FGGY: variants seen among roughly 807,000 people sequenced by gnomAD.
FGGY encodes the protein FGGY carbohydrate kinase domain-containing protein.
A neutral mutation model predicts 71.3 loss-of-function variants in FGGY; 72 were observed. The observed-to-expected ratio is 1.01, with a 90% CI of 0.84 to 1.23. The LOEUF (loss-of-function observed/expected upper bound fraction) is 1.23. Ranked by LOEUF, FGGY falls within the 50% of genes most tolerant of loss-of-function variation. The probability of loss-of-function intolerance (pLI) is 0.00; values close to 1 mark genes in which losing one functional copy is unlikely to be tolerated. For missense variants in FGGY, 668 were observed against 682.3 expected (o/e 0.98, Z 0.23); for synonymous variants, 251 against 250.3 (o/e 1.00, Z -0.02).
intron 6 of FGGY, among the ~76,000 whole-genome samples, chr1:59,475,973 G>A (rs980814065): frequency 1.4e-4 from 22 of 152,334 alleles, no homozygotes; most frequent in African/African-American, 4.8e-4. Context: ...AAAGTCTTGC[G>A]TGATCTCTGT....
intron 14 of FGGY, among the ~76,000 whole-genome samples, chr1:59,683,799 G>C (rs1022523166): frequency 6.6e-6 from 1 of 152,200 alleles, no homozygotes; most frequent in Non-Finnish European, 1.5e-5. Context: ...GGTTTAAGTA[G>C]GGCAAATTAG....
chr1:59,319,970 A>G (rs1369609035), intron 1 of FGGY, among the ~76,000 whole-genome samples: 1 of 152,212 alleles, frequency 6.6e-6, no homozygotes, highest in East Asian at 1.9e-4. Context: ...CTTGAAGAAA[A>G]GGTATCACTG....
intron 8 of FGGY, among the ~76,000 whole-genome samples, chr1:59,563,596 G>A (rs570250174): frequency 2.4e-4 from 37 of 152,114 alleles, no homozygotes; most frequent in African/African-American, 6.0e-4. Context: ...AATCAATATC[G>A]TGAAAATGGC....
intron 13 of FGGY, among the ~76,000 whole-genome samples, chr1:59,668,234 C>T (rs750743586): frequency 6.6e-6 from 1 of 152,170 alleles, no homozygotes; most frequent in Non-Finnish European, 1.5e-5. Flanking sequence ...GCCTGGACCT[C>T]TGTCTCTCTG....
At chr1:59,425,638 A>C (rs1039925900) in intron 5 of FGGY, among the ~76,000 whole-genome samples, 1 of 152,200 alleles carries the variant, frequency 6.6e-6, no homozygotes, top group African/African-American at 2.4e-5. Flanking sequence ...GCTCTCATTC[A>C]TGGTCATGAT....
intron 6 of FGGY, among the ~76,000 whole-genome samples, chr1:59,486,904 A>T (rs2093674078): frequency 1.3e-5 from 2 of 152,206 alleles, no homozygotes; most frequent in South Asian, 4.1e-4. Flanking sequence ...AGTCTAACAC[A>T]TTAATTCCGG....
chr1:59,442,831 A>C (rs1448258229), intron 5 of FGGY, among the ~76,000 whole-genome samples: 1 of 152,180 alleles, frequency 6.6e-6, no homozygotes, highest in Non-Finnish European at 1.5e-5. Context: ...AATTCGTCCA[A>C]CACTTTTGTA....
intron 8 of FGGY, among the ~76,000 whole-genome samples, chr1:59,580,131 A>G (rs1472191992): frequency 6.6e-6 from 1 of 152,142 alleles, no homozygotes; most frequent in Non-Finnish European, 1.5e-5. Flanking sequence ...TTAAAATAAC[A>G]ACACTTGCCT....
chr1:59,339,472 AT>A (rs572623968), intron 2 of FGGY, among the ~76,000 whole-genome samples: 4 of 149,926 alleles, frequency 2.7e-5, no homozygotes, highest in African/African-American at 4.9e-5. Context: ...TATTATTATT[AT>A]TTTTTTTTGA....
chr1:59,699,472 C>A, intron 14 of FGGY: 1 of 864,710 alleles, frequency 1.2e-6, no homozygotes, highest in Non-Finnish European at 1.4e-6. Context: ...GCTAAAATCT[C>A]AAAAACAACC....
At chr1:59,757,903 G>C (rs192094379) in intron 14 of FGGY, 28 bp from the exon 15 acceptor site, 5 of 1,582,608 alleles carry the variant, frequency 3.2e-6, no homozygotes, top group Non-Finnish European at 4.3e-6. Flanking sequence ...TTCCAACTCA[G>C]CTGTCTATGT....
chr1:59,555,911 G>A (rs552312520), intron 8 of FGGY, among the ~76,000 whole-genome samples: 1 of 152,166 alleles, frequency 6.6e-6, no homozygotes, highest in Non-Finnish European at 1.5e-5. Flanking sequence ...TGAGGCAGGA[G>A]AATTGCTTGA....
intron 8 of FGGY, among the ~76,000 whole-genome samples, chr1:59,567,812 T>C (rs1202853878): frequency 6.6e-6 from 1 of 151,296 alleles, no homozygotes; most frequent in African/African-American, 2.4e-5. Flanking sequence ...TTAAATCTGA[T>C]GGTTTCATTC....
chr1:59,314,765 A>G (rs547128934), intron 1 of FGGY, among the ~76,000 whole-genome samples: 1 of 152,262 alleles, frequency 6.6e-6, no homozygotes, highest in East Asian at 1.9e-4. Context: ...CTGCATACCA[A>G]ATTTATTTGT....
intron 2 of FGGY, among the ~76,000 whole-genome samples, chr1:59,333,623 A>G (rs1207066430): frequency 6.6e-6 from 1 of 152,236 alleles, no homozygotes; most frequent in African/African-American, 2.4e-5. Flanking sequence ...TTGTAAGGAC[A>G]TTCCAGGCAG....
intron 5 of FGGY, among the ~76,000 whole-genome samples, chr1:59,431,352 G>A (rs547538453): frequency 6.6e-6 from 1 of 152,222 alleles, no homozygotes; most frequent in East Asian, 1.9e-4. Flanking sequence ...CTTACCTCCT[G>A]TCACACTACC....
chr1:59,570,544 C>A (rs2095967333), intron 8 of FGGY, among the ~76,000 whole-genome samples: 1 of 152,058 alleles, frequency 6.6e-6, no homozygotes, highest in Non-Finnish European at 1.5e-5. Context: ...TAGAATCTGC[C>A]AACAATTAGA....
chr1:59,473,708 G>A (rs1198057607), intron 6 of FGGY, among the ~76,000 whole-genome samples: 1 of 152,062 alleles, frequency 6.6e-6, no homozygotes, highest in African/African-American at 2.4e-5. Context: ...CTCAAAGATG[G>A]GGCCACCGAT....
rs115655589 is a variant in FGGY at position 59,456,936 on chromosome 1, A to T, written c.555-25A>T. On this transcript the variant is annotated intron_variant, in intron 5 of 15. Coordinates refer to ENST00000303721, the MANE Select transcript of FGGY (RefSeq NM_018291.5). Reference sequence around the variant, plus strand: ...AAGCCTCACTCATATGGTCAGTTCTATCTATATCTCTTCTATTTTCTTAGG... The same window carrying T: ...AAGCCTCACTCATATGGTCAGTTCTTTCTATATCTCTTCTATTTTCTTAGG... 1,360 of 1,550,934 alleles carry T rather than the reference A, an allele frequency of 8.8e-4. 7 individuals are homozygous for T. In the African/African-American group the frequency reaches 0.013, roughly 14 times the overall value.
Sources: allele counts gnomAD v4.1 joint callset (sites outside exome capture counted in the v4.1 genomes callset), GRCh38; gene constraint gnomAD v4.1.1; transcripts MANE v1.5; gene names NCBI Gene and HGNC (gene_info 2026-07-23, HGNC 2026-07-21).